SATB1: variants seen among roughly 807,000 people sequenced by gnomAD.
SATB1 encodes DNA-binding protein SATB1.
Under a neutral mutation model 86.9 loss-of-function variants are expected in SATB1, and 11 were observed. The observed-to-expected ratio is 0.13, with a 90% CI of 0.08 to 0.21. The LOEUF is 0.21. SATB1 is among the 10% of genes least tolerant of loss of function. The pLI, the probability that SATB1 is intolerant of heterozygous loss-of-function variation, is 1.00. For missense variants in SATB1, 551 were observed against 937.6 expected (o/e 0.59, Z 5.39); for synonymous variants, 357 against 357.2 (o/e 1.00, Z 0.01).
Position 18,352,296 on chromosome 3 carries a change from A to G in SATB1, c.1576-101T>C, listed in dbSNP as rs1180162680. The G allele has an allele frequency of 9.2e-6, 9 of 977,454 alleles. No individual in the cohort carries two copies. Among genetic ancestry groups the G allele is most frequent in the Non-Finnish European group, 1.4e-5 (9 of 640,060 alleles). 60.5% of individuals were successfully genotyped at this position (977,454 alleles called of 1,614,324 possible). A position where few individuals can be genotyped will look rare whatever the true frequency, so the allele number is the denominator to read the frequency against. ...AAAAACCCTATGAATTAACTTTTTC[A>G]TAAGCTCAGAACACACCATTCTGCT... On this transcript the variant is annotated intron_variant, in intron 9 of 10. Coordinates refer to ENST00000338745, the MANE Select transcript of SATB1 (RefSeq NM_002971.6). This position sits in a 1 kb window ranked among gnomAD's most constrained non-coding sequence, Gnocchi z 4.1.
chr3:18,426,431 T>TCCAAAA (rs1309253285), upstream of SATB1, among the ~76,000 whole-genome samples: 1 of 152,236 alleles, frequency 6.6e-6, no homozygotes, highest in African/African-American at 2.4e-5. This position sits in a 1 kb window ranked among gnomAD's most constrained non-coding sequence, Gnocchi z 4.2. Flanking sequence ...GAGGAAAGTT[T>TCCAAAA]GGGTTGGTAA....
intron 7 of SATB1, among the ~76,000 whole-genome samples, chr3:18,392,279 T>G (rs1696717566): frequency 6.6e-6 from 1 of 152,008 alleles, no homozygotes; most frequent in Non-Finnish European, 1.5e-5. Flanking sequence ...AAAGAGAAAA[T>G]TTTGCCTTTC....
chr3:18,386,606 C>T lies in SATB1; in HGVS notation c.1212G>A (p.Leu404=). ...CTTCCTTTCGGAGGATTTCTGAAAGCAAGCCCTGCAAGAAATGAAAGGCAC... is the reference window on the plus strand; with the variant it reads ...CTTCCTTTCGGAGGATTTCTGAAAGTAAGCCCTGCAAGAAATGAAAGGCAC... ...ARVAFNRTQG[L]LSEILRKEED... is the part of the protein sequence containing the mutation. Residue 404 remains leucine (L), a synonymous_variant, in exon 8 of 11, where the codon TTG becomes TTA. Coordinates refer to ENST00000338745, the MANE Select transcript of SATB1 (RefSeq NM_002971.6). The surrounding 1 kb of genome is among the most constrained non-coding windows in gnomAD (Gnocchi z 4.5). The T allele has an allele frequency of 6.2e-7, 1 of 1,613,792 alleles. No individual in the cohort carries two copies. The highest frequency in any genetic ancestry group is 1.3e-5 in the African/African-American group (1 of 75,042).
intron 6 of SATB1, among the ~76,000 whole-genome samples, chr3:18,395,218 T>C (rs1696904925): frequency 6.6e-6 from 1 of 152,184 alleles, no homozygotes; most frequent in East Asian, 1.9e-4. Context: ...CTCTCACTTA[T>C]TACCCCAAGA....
At chr3:18,395,360 C>CTCATGATAT (rs1696913526) in intron 6 of SATB1, among the ~76,000 whole-genome samples, 1 of 152,014 alleles carries the variant, frequency 6.6e-6, no homozygotes, top group Non-Finnish European at 1.5e-5. Flanking sequence ...CAAATATATT[C>CTCATGATAT]TCATGATATT....
chr3:18,387,324 T>C (rs1696395268), intron 7 of SATB1, among the ~76,000 whole-genome samples: 1 of 152,168 alleles, frequency 6.6e-6, no homozygotes, highest in Non-Finnish European at 1.5e-5. Flanking sequence ...TTGAAATATA[T>C]TAACTAATTT....
chr3:18,394,762 G>A lies in SATB1; in HGVS notation c.906C>T (p.Asn302=), dbSNP rs765092037. ...SQPSVRTPLP[N]LHPGLVSTPI... ...GTGTTGATACGAGCCCAGGGTGCAG[G>A]TTTGGAAGAGGTGTCCGGACAGAGG... The change falls in exon 7 of 11, where the codon AAC becomes AAT. Residue 302 remains asparagine, a synonymous_variant. Coordinates refer to ENST00000338745, the MANE Select transcript of SATB1 (RefSeq NM_002971.6). This position sits in a 1 kb window ranked among gnomAD's most constrained non-coding sequence, Gnocchi z 5.9. 2 of 1,614,156 alleles carry A rather than the reference G, an allele frequency of 1.2e-6. No individual in the cohort carries two copies.
At chr3:18,391,889 G>T (rs1696695379) in intron 7 of SATB1, among the ~76,000 whole-genome samples, 1 of 152,168 alleles carries the variant, frequency 6.6e-6, no homozygotes, top group Non-Finnish European at 1.5e-5. Context: ...GTATGTATGT[G>T]TGTGTGGTTT....
chr3:18,367,580 G>T (rs562119313), intron 9 of SATB1, among the ~76,000 whole-genome samples: 43 of 152,026 alleles, frequency 2.8e-4, no homozygotes, highest in Non-Finnish European at 5.1e-4. Context: ...GACCTGGAAG[G>T]GTCCATAAAT....
At chr3:18,367,804 T>G (rs1042930115) in intron 9 of SATB1, among the ~76,000 whole-genome samples, 1 of 152,188 alleles carries the variant, frequency 6.6e-6, no homozygotes, top group Non-Finnish European at 1.5e-5. Flanking sequence ...CAAAAATGTT[T>G]GCAAACATGA....
chr3:18,365,598 A>G (rs1245214053), intron 9 of SATB1, among the ~76,000 whole-genome samples: 1 of 152,180 alleles, frequency 6.6e-6, no homozygotes, highest in African/African-American at 2.4e-5. Context: ...CTTGTCCTCC[A>G]GTCTAACAGA....
At position 18,346,627 on chromosome 3, in the gene SATB1, A is replaced by G. The variant is rs994970255; in HGVS notation, c.*2543T>C. ...GTGTGTATGTGTGGGCATTTAAAAT[A>G]TCAAATTATCAAAACCACGCTGACT... is the stretch of plus-strand genomic sequence containing the variant. On this transcript the variant is annotated 3_prime_UTR_variant, in exon 11 of 11. Coordinates refer to ENST00000338745, the MANE Select transcript of SATB1 (RefSeq NM_002971.6). The G allele has an allele frequency of 1.3e-5, 2 of 151,866 alleles. No individual in the cohort carries two copies. The highest frequency in any genetic ancestry group is 1.5e-5 in the Non-Finnish European group (1 of 67,910). The allele number at this position is 151,866 out of a possible 1,614,324, so 9.4% of individuals were successfully genotyped here. A position where few individuals can be genotyped will look rare whatever the true frequency, so the allele number is the denominator to read the frequency against.
Position 18,351,976 on chromosome 3 carries a change from G to A in SATB1, c.1779+16C>T. On this transcript the variant is annotated intron_variant, in intron 10 of 10. Coordinates refer to ENST00000338745, the MANE Select transcript of SATB1 (RefSeq NM_002971.6). ...ATTTACTTATTGCTATACTGAATTG[G>A]CCAAAGTAAACGAACCTGAATCTGC... The A allele has an allele frequency of 6.2e-7, 1 of 1,613,282 alleles. No individual in the cohort carries two copies. Among genetic ancestry groups the A allele is most frequent in the Non-Finnish European group, 8.5e-7 (1 of 1,179,282 alleles).
intron 2 of SATB1, among the ~76,000 whole-genome samples, chr3:18,419,640 CTGTT>C (rs1368520426): frequency 6.6e-6 from 1 of 152,158 alleles, no homozygotes; most frequent in Non-Finnish European, 1.5e-5. Flanking sequence ...TTAATGCACT[CTGTT>C]TGAAAAGCCG....
intron 5 of SATB1, among the ~76,000 whole-genome samples, chr3:18,410,338 C>T (rs973051130): frequency 2.0e-5 from 3 of 151,888 alleles, no homozygotes; most frequent in African/African-American, 7.3e-5. Context: ...TTTTAAACTT[C>T]CTTTATCTGT....
At chr3:18,435,736 TC>T (rs1290564946) in intron 2 of SATB1, among the ~76,000 whole-genome samples, 4 of 152,056 alleles carry the variant, frequency 2.6e-5, no homozygotes, top group African/African-American at 4.8e-5. Context: ...TCAGTGACCA[TC>T]AGGGCCTGGA....
intron 2 of SATB1, among the ~76,000 whole-genome samples, chr3:18,432,679 T>G (rs959143354): frequency 2.0e-5 from 3 of 151,520 alleles, no homozygotes; most frequent in African/African-American, 7.3e-5. Context: ...AGAAAAAGAG[T>G]TGGAAACAAA....
At chr3:18,416,813 T>C in intron 3 of SATB1, 89 bp downstream of exon 3, 2 of 1,300,828 alleles carry the variant, frequency 1.5e-6, no homozygotes, top group Non-Finnish European at 2.1e-6. Flanking sequence ...CAGGCTACAG[T>C]TCTTTGAATA....
At chr3:18,353,594 T>C (rs1575078329) in intron 9 of SATB1, among the ~76,000 whole-genome samples, 1 of 152,190 alleles carries the variant, frequency 6.6e-6, no homozygotes, top group Non-Finnish European at 1.5e-5. Flanking sequence ...TTGTTTCTTA[T>C]GTTACCAGGA....
Sources: allele counts gnomAD v4.1 joint callset (sites outside exome capture counted in the v4.1 genomes callset), GRCh38; gene constraint gnomAD v4.1.1; non-coding constraint Gnocchi (gnomAD v3.1); transcripts MANE v1.5; gene names NCBI Gene and HGNC (gene_info 2026-07-23, HGNC 2026-07-21).